Variants in CAP2 observed in about 807,000 individuals in gnomAD.
The protein encoded by CAP2 is adenylyl cyclase-associated protein 2.
CAP2 carries 24 observed loss-of-function variants against 57.7 expected under a neutral mutation model. The ratio of observed to expected loss-of-function variants is 0.42; its 90% CI spans 0.30 to 0.58. CAP2 has a LOEUF of 0.58. Among genes scored for constraint, CAP2 ranks in the 20% least tolerant of loss-of-function variants. The pLI, the probability that CAP2 is intolerant of heterozygous loss-of-function variation, is 0.22. For missense variants in CAP2, 501 were observed against 590.3 expected (o/e 0.85, Z 1.57); for synonymous variants, 194 against 207.2 (o/e 0.94, Z 0.55).
At chr6:17,556,213 C>T (rs1763306907) in intron 12 of CAP2, 146 bp from the exon 13 acceptor site, 2 of 631,616 alleles carry the variant, frequency 3.2e-6, no homozygotes, top group African/African-American at 1.8e-5. Flanking sequence ...ACAAAGACCT[C>T]CCCATGACGC....
intron 4 of CAP2, among the ~76,000 whole-genome samples, chr6:17,478,056 T>C (rs1472617959): frequency 6.7e-6 from 1 of 148,820 alleles, no homozygotes; most frequent in Non-Finnish European, 1.5e-5. Context: ...GTATAATATA[T>C]AAAATTTTAT....
In CAP2 at chr6:17,557,593, G is replaced by A. The variant is rs1210070097; in HGVS notation, c.*1151G>A. On this transcript the variant is annotated 3_prime_UTR_variant, in exon 13 of 13. Coordinates refer to ENST00000229922, the MANE Select transcript of CAP2 (RefSeq NM_006366.3). ...AAGCATATATATTGTGCCTCTTACA[G>A]CCTTTGGAATACATTGTTTCCATTT... 3 of 152,118 alleles carry A rather than the reference G, an allele frequency of 2.0e-5. No individual in the cohort carries two copies. The East Asian group carries it at 5.8e-4, about 29-fold the overall frequency. 9.4% of individuals were successfully genotyped at this position (152,118 alleles called of 1,614,324 possible).
intron 1 of CAP2, among the ~76,000 whole-genome samples, chr6:17,408,334 CA>C (rs1759043770): frequency 6.6e-6 from 1 of 152,160 alleles, no homozygotes; most frequent in Admixed American, 6.5e-5. Context: ...TGCCACTCTA[CA>C]GCTCACAAAT....
At chr6:17,541,792 A>C (rs1357679387) in intron 9 of CAP2, among the ~76,000 whole-genome samples, 2 of 152,208 alleles carry the variant, frequency 1.3e-5, no homozygotes, top group East Asian at 3.8e-4. Flanking sequence ...TTAACCACCA[A>C]GGTGAAGTGA....
chr6:17,511,814 T>C (rs773981962), intron 6 of CAP2, among the ~76,000 whole-genome samples: 11 of 152,166 alleles, frequency 7.2e-5, no homozygotes, highest in Non-Finnish European at 1.3e-4. Flanking sequence ...AGGTGTGGTC[T>C]CTCTGAGTCA....
chr6:17,399,436 A>T (rs1758754406), intron 1 of CAP2, among the ~76,000 whole-genome samples: 2 of 152,186 alleles, frequency 1.3e-5, no homozygotes, highest in Admixed American at 1.3e-4. Context: ...TTCCCACTTT[A>T]GGAAAATAAT....
chr6:17,485,866 T>G (rs541456323), intron 4 of CAP2, among the ~76,000 whole-genome samples: 1 of 152,306 alleles, frequency 6.6e-6, no homozygotes, highest in South Asian at 2.1e-4. Flanking sequence ...CGCAGAGGCT[T>G]CTGAGGATGA....
intron 2 of CAP2, among the ~76,000 whole-genome samples, chr6:17,422,873 A>T (rs1561777756): frequency 6.6e-6 from 1 of 152,208 alleles, no homozygotes; most frequent in South Asian, 2.1e-4. Flanking sequence ...AATAAAGGAC[A>T]ACCAATTAAA....
rs1032374570 is a variant in CAP2 at position 17,556,599 on chromosome 6, C to T, written c.*157C>T. ...ATACAGCACTGTTTCTGGCACGCCT[C>T]GTGGGCATTTTGAAATATTTAACGT... On this transcript the variant is annotated 3_prime_UTR_variant, in exon 13 of 13. Coordinates refer to ENST00000229922, the MANE Select transcript of CAP2 (RefSeq NM_006366.3). The T allele has an allele frequency of 1.1e-5, 6 of 563,880 alleles. No individual in the cohort carries two copies. The highest frequency in any genetic ancestry group is 1.9e-5 in the Non-Finnish European group (6 of 312,864). The allele number at this position is 563,880 out of a possible 1,614,324, so 34.9% of individuals were successfully genotyped here.
At chr6:17,490,979 A>T (rs1386128279) in intron 4 of CAP2, among the ~76,000 whole-genome samples, 2 of 152,154 alleles carry the variant, frequency 1.3e-5, no homozygotes, top group Non-Finnish European at 2.9e-5. Context: ...CTGTGCCCAT[A>T]GCTCCACTGG....
At chr6:17,502,610 AAAGTATCTTCCAG>A (rs1761854394) in intron 4 of CAP2, among the ~76,000 whole-genome samples, 1 of 152,164 alleles carries the variant, frequency 6.6e-6, no homozygotes, top group Admixed American at 6.5e-5. Flanking sequence ...TAACCAATAT[AAAGTATCTTCCAG>A]AAGACTCTGT....
chr6:17,526,537 C>G (rs967684547), intron 7 of CAP2, among the ~76,000 whole-genome samples: 16 of 152,188 alleles, frequency 1.1e-4, no homozygotes, highest in Non-Finnish European at 2.9e-5. Flanking sequence ...CACTGCCTTT[C>G]ATTCTCAGTT....
intron 7 of CAP2, among the ~76,000 whole-genome samples, chr6:17,518,791 C>G (rs1762326225): frequency 6.6e-6 from 1 of 152,068 alleles, no homozygotes; most frequent in Non-Finnish European, 1.5e-5. Context: ...GCCTGCACCA[C>G]CACACCTGGC....
intron 3 of CAP2, among the ~76,000 whole-genome samples, chr6:17,452,969 T>C (rs774353039): frequency 1.4e-4 from 21 of 152,242 alleles, no homozygotes; most frequent in Non-Finnish European, 2.4e-4. Context: ...CCACATATTT[T>C]AACTCACAGG....
At chr6:17,499,398 C>CAAAA (rs71002217) in intron 4 of CAP2, among the ~76,000 whole-genome samples, 2 of 69,552 alleles carry the variant, frequency 2.9e-5, no homozygotes, top group African/African-American at 1.0e-4. Flanking sequence ...GACTCCATCT[C>CAAAA]AAAAAAAAAA....
At chr6:17,470,893 GA>G (rs1241281368) in intron 4 of CAP2, among the ~76,000 whole-genome samples, 4 of 152,200 alleles carry the variant, frequency 2.6e-5, no homozygotes, top group African/African-American at 9.6e-5. Context: ...GGAAAGACAA[GA>G]AAGACTTTGA....
intron 4 of CAP2, among the ~76,000 whole-genome samples, chr6:17,464,468 C>T (rs1354511070): frequency 6.6e-6 from 1 of 152,112 alleles, no homozygotes; most frequent in African/African-American, 2.4e-5. Context: ...AGACCTGAGA[C>T]CCTCCCTGGA....
chr6:17,394,762 C>T (rs1434248477), intron 1 of CAP2, among the ~76,000 whole-genome samples: 1 of 149,690 alleles, frequency 6.7e-6, no homozygotes, highest in Non-Finnish European at 1.5e-5. Context: ...AAAATTACAA[C>T]GGTAGAGTGA....
At chr6:17,499,671 G>A (rs1385659443) in intron 4 of CAP2, among the ~76,000 whole-genome samples, 1 of 151,732 alleles carries the variant, frequency 6.6e-6, no homozygotes, top group Non-Finnish European at 1.5e-5. Flanking sequence ...CACAACATAC[G>A]GAGACCCAGT....
Sources: allele counts gnomAD v4.1 joint callset (sites outside exome capture counted in the v4.1 genomes callset), GRCh38; gene constraint gnomAD v4.1.1; transcripts MANE v1.5; gene names NCBI Gene and HGNC (gene_info 2026-07-23, HGNC 2026-07-21).